Variants in ALK observed in about 807,000 individuals in gnomAD.
ALK encodes the protein ALK tyrosine kinase receptor.
ALK carries 74 observed loss-of-function variants against 163.1 expected under a neutral mutation model. The ratio of observed to expected loss-of-function variants is 0.45; its 90% CI spans 0.38 to 0.55. ALK has a LOEUF of 0.55. Ranked by LOEUF, ALK falls within the 20% of genes least tolerant of loss-of-function variation. The pLI, the probability that ALK is intolerant of heterozygous loss-of-function variation, is 0.00. For missense variants in ALK, 2,063 were observed against 2,105.3 expected, an observed-to-expected ratio of 0.98 and a Z score of 0.39; for synonymous variants, 960 against 843.2, an observed-to-expected ratio of 1.14 and a Z score of -2.40.
At chr2:29,501,521 G>A (rs1672188032) in intron 4 of ALK, among the ~76,000 whole-genome samples, 1 of 152,106 alleles carries the variant, frequency 6.6e-6, no homozygotes, top group African/African-American at 2.4e-5. Context: ...GATGCCCAGG[G>A]GGTGTCCTTA....
chr2:29,637,369 A>G (rs1676565340), intron 3 of ALK, among the ~76,000 whole-genome samples: 1 of 152,186 alleles, frequency 6.6e-6, no homozygotes, highest in East Asian at 1.9e-4. Flanking sequence ...TTTGTATAGC[A>G]TGTTTAAACT....
chr2:29,709,334 C>G (rs907792471), intron 2 of ALK, among the ~76,000 whole-genome samples: 1 of 152,140 alleles, frequency 6.6e-6, no homozygotes, highest in Non-Finnish European at 1.5e-5. Flanking sequence ...GTGGGAATGT[C>G]CCTGCCCTTT....
At position 29,226,931 on chromosome 2, in the gene ALK, A is replaced by T. The variant is rs1340651768; in HGVS notation, c.3058T>A (p.Ser1020Thr). Reference protein sequence around the residue: ...HGTVLAEDGVSCIVSPTPEPH... With the variant: ...HGTVLAEDGVTCIVSPTPEPH... ...GGCCCTGCCCCCTTACCAATGCAGG[A>T]GACGCCATCCTCAGCCAGCACCGTC... Residue 1020 changes from serine to threonine, a missense_variant, in exon 18 of 29, where the codon TCC (serine) becomes ACC (threonine). Physicochemically the swap from Ser to Thr is moderately conservative, Grantham distance 58. This residue lies in a region of ALK where 575 missense variants were observed against 626.6 expected (regional missense o/e 0.92). Transcript: ENST00000389048. 1 of 1,614,178 alleles carries T rather than the reference A, an allele frequency of 6.2e-7. No individual in the cohort carries two copies.
rs929721220 is a variant in ALK, at chr2:29,246,429, C to T, written c.2204+4676G>A. On this transcript the variant is annotated intron_variant, in intron 12 of 28. Transcript: ENST00000389048. The surrounding 1 kb of genome is among the most constrained non-coding windows in gnomAD (Gnocchi z 4.3). ...TCCCCAGCACAAACCCCATAATCCA[C>T]GTTCTTCTCATGGCACTGCAGTGGC... 2.6e-5 allele frequency among the ~76,000 whole-genome samples: 4 copies of T among 152,132 alleles called. No individual in the cohort carries two copies. Among genetic ancestry groups the T allele is most frequent in the African/African-American group, 4.8e-5 (2 of 41,402 alleles).
At chr2:29,488,218 C>T (rs1671824095) in intron 4 of ALK, among the ~76,000 whole-genome samples, 1 of 152,196 alleles carries the variant, frequency 6.6e-6, no homozygotes, top group Admixed American at 6.5e-5. Context: ...TTTAGTTTCA[C>T]AGCCTGCTTT....
intron 4 of ALK, among the ~76,000 whole-genome samples, chr2:29,523,007 C>T (rs1455400638): frequency 6.6e-6 from 1 of 152,102 alleles, no homozygotes; most frequent in African/African-American, 2.4e-5. Flanking sequence ...AGGGATGAGG[C>T]TTTGCTGTCT....
chr2:29,239,588 C>T, intron 13 of ALK, 92 bp downstream of exon 13: 1 of 1,493,604 alleles, frequency 6.7e-7, no homozygotes, highest in South Asian at 1.1e-5. Flanking sequence ...GTATGAACTT[C>T]CAGGAGGAGG....
At chr2:29,391,656 C>A (rs1286430494) in intron 4 of ALK, among the ~76,000 whole-genome samples, 1 of 152,052 alleles carries the variant, frequency 6.6e-6, no homozygotes, top group Non-Finnish European at 1.5e-5. Flanking sequence ...TCTCTCCTCC[C>A]TTGTTCCCTC....
intron 1 of ALK, among the ~76,000 whole-genome samples, chr2:29,911,210 A>G (rs943425151): frequency 6.6e-6 from 1 of 152,366 alleles, no homozygotes; most frequent in Non-Finnish European, 1.5e-5. Flanking sequence ...CCCAAAGGAC[A>G]GGGAAAGGAA....
intron 3 of ALK, among the ~76,000 whole-genome samples, chr2:29,669,045 G>A (rs1677603551): frequency 6.6e-6 from 1 of 151,988 alleles, no homozygotes; most frequent in African/African-American, 2.4e-5. Flanking sequence ...ATGAGATTTT[G>A]GTGGGGACAC....
chr2:29,486,516 C>T (rs1303885158), intron 4 of ALK, among the ~76,000 whole-genome samples: 3 of 152,162 alleles, frequency 2.0e-5, no homozygotes, highest in Non-Finnish European at 4.4e-5. Context: ...CAGTGTTGCA[C>T]ATAAAGTCAG....
chr2:29,808,879 T>A (rs1169622090), intron 1 of ALK, among the ~76,000 whole-genome samples: 1 of 152,202 alleles, frequency 6.6e-6, no homozygotes, highest in Non-Finnish European at 1.5e-5. Context: ...ACCTTTCAGA[T>A]CCCTGAGTTA....
chr2:29,906,937 G>GTTT (rs70962250), intron 1 of ALK, among the ~76,000 whole-genome samples: 18 of 80,042 alleles, frequency 2.2e-4, no homozygotes, highest in African/African-American at 4.5e-4. Context: ...TACATTTAAG[G>GTTT]TTTTTTTTTT....
At chr2:29,813,347 A>G (rs1376161078) in intron 1 of ALK, among the ~76,000 whole-genome samples, 3 of 152,216 alleles carry the variant, frequency 2.0e-5, no homozygotes, top group African/African-American at 4.8e-5. Context: ...GTAAGTGCCC[A>G]AGAAAGATGC....
intron 5 of ALK, among the ~76,000 whole-genome samples, chr2:29,377,696 G>A (rs1032780819): frequency 6.6e-6 from 1 of 152,150 alleles, no homozygotes; most frequent in Non-Finnish European, 1.5e-5. Context: ...TTTGAAGAGA[G>A]TTCAAACACC....
At chr2:29,356,541 T>G (rs557425712) in intron 5 of ALK, among the ~76,000 whole-genome samples, 2 of 152,284 alleles carry the variant, frequency 1.3e-5, no homozygotes, top group East Asian at 1.9e-4. Flanking sequence ...ATGCCCTGAG[T>G]GTACCCTTCT....
rs534402726 is a variant in ALK at position 29,218,355 on chromosome 2, G to T, written c.3645+2351C>A. On this transcript the variant is annotated intron_variant, in intron 23 of 28. Coordinates refer to ENST00000389048, the MANE Select transcript of ALK (RefSeq NM_004304.5). The stretch of plus-strand genomic sequence containing the variant: ...GGACAGGCCCCCTCCCCGTTCTGGG[G>T]GTCCCTCAGGTAGTGCCTGCTGTTA... Among the ~76,000 whole-genome samples the T allele has an allele frequency of 2.9e-3, 435 of 152,298 alleles. 6 individuals are homozygous for T. Among genetic ancestry groups the T allele is most frequent in the Non-Finnish European group, 9.4e-4 (64 of 68,020 alleles).
intron 3 of ALK, among the ~76,000 whole-genome samples, chr2:29,594,442 T>TC (rs1450265792): frequency 6.6e-6 from 1 of 151,022 alleles, no homozygotes; most frequent in African/African-American, 2.4e-5. Flanking sequence ...TTTTTTTTTT[T>TC]TTTTGAGATG....
intron 1 of ALK, among the ~76,000 whole-genome samples, chr2:29,721,993 A>G (rs1679435717): frequency 6.6e-6 from 1 of 152,202 alleles, no homozygotes; most frequent in East Asian, 1.9e-4. Context: ...TAGGCTGCAG[A>G]TACATTGAAC....
Sources: gnomAD v4.1 joint callset for allele counts (sites outside exome capture counted in the v4.1 genomes callset) on GRCh38, gnomAD v4.1.1 for gene constraint, gnomAD v4.1.1 regional missense constraint, Gnocchi (gnomAD v3.1) non-coding constraint, MANE v1.5 for transcripts, NCBI Gene and HGNC (gene_info 2026-07-23, HGNC 2026-07-21) for gene names.